Variants in DNAH5 observed in about 807,000 individuals in gnomAD.
DNAH5 encodes the protein axonemal beta dynein heavy chain 5.
Under a neutral mutation model 518.2 loss-of-function variants are expected in DNAH5, and 372 were observed. The observed-to-expected ratio is 0.72, with a 90% CI of 0.66 to 0.78. The LOEUF (loss-of-function observed/expected upper bound fraction) is 0.78. Ranked by LOEUF, DNAH5 falls within the 30% of genes least tolerant of loss-of-function variation. The pLI, the probability that DNAH5 is intolerant of heterozygous loss-of-function variation, is 0.00. For synonymous variants in DNAH5, 2,039 were observed against 2,025.9 expected (o/e 1.01, Z -0.17); for missense variants, 5,523 against 5,687.0 (o/e 0.97, Z 0.93).
chr5:13,892,907 CA>C, intron 16 of DNAH5, among the ~76,000 whole-genome samples: 1 of 152,248 alleles, frequency 6.6e-6, no homozygotes, highest in Non-Finnish European at 1.5e-5. Flanking sequence ...CATTAAAAGC[CA>C]TTTAGCATCT....
chr5:13,701,400 T>C lies in DNAH5; in HGVS notation c.13375A>G (p.Thr4459Ala), dbSNP rs1052619903. The C allele has an allele frequency of 3.1e-6, 5 of 1,613,378 alleles. No individual in the cohort carries two copies. The highest frequency in any genetic ancestry group is 4.2e-6 in the Non-Finnish European group (5 of 1,179,638). ...WISSTLGFWFTELIERNSQFT... is the reference protein window; with the variant it reads ...WISSTLGFWFAELIERNSQFT... ...TGGCTGTTTCTTTCTATAAGTTCAG[T>C]AAACCAGAAACCCAGTGTACTAGAA... The change falls in exon 77 of 79, where the codon ACT becomes GCT. Residue 4459 changes from threonine to alanine, a missense_variant. By Grantham distance (58) the Thr-to-Ala change is moderately conservative. Around this residue, in one of 3 missense-constraint regions of DNAH5, gnomAD observed 387 missense variants for 430.0 expected, o/e 0.90. Transcript: ENST00000265104.
intron 1 of DNAH5, among the ~76,000 whole-genome samples, chr5:13,968,312 C>G (rs1781661347): frequency 6.6e-6 from 1 of 152,088 alleles, no homozygotes; most frequent in Non-Finnish European, 1.5e-5. Flanking sequence ...CTTTCTTTCT[C>G]TTGTCTGACT....
chr5:13,719,967 T>C (rs1204447491), intron 71 of DNAH5, among the ~76,000 whole-genome samples: 4 of 152,200 alleles, frequency 2.6e-5, no homozygotes, highest in African/African-American at 9.7e-5. Flanking sequence ...CATGTAACAA[T>C]AATTTCCTCA....
chr5:13,878,405 T>C (rs778595477), intron 21 of DNAH5, among the ~76,000 whole-genome samples: 1 of 152,202 alleles, frequency 6.6e-6, no homozygotes, highest in Non-Finnish European at 1.5e-5. Context: ...ATTTTCTTTC[T>C]GGGAAGGGGC....
intron 4 of DNAH5, 132 bp downstream of exon 4, chr5:13,923,148 T>A: frequency 1.6e-6 from 2 of 1,236,018 alleles, no homozygotes; most frequent in Non-Finnish European, 2.3e-6. Flanking sequence ...TTTAAATTTT[T>A]AAAAAATACT....
At chr5:14,000,561 C>G (rs1040980131) in intron 1 of DNAH5, among the ~76,000 whole-genome samples, 4 of 151,508 alleles carry the variant, frequency 2.6e-5, no homozygotes, top group Non-Finnish European at 4.4e-5. Flanking sequence ...TGTTCATGTC[C>G]TCTGCCCACA....
intron 1 of DNAH5, among the ~76,000 whole-genome samples, chr5:13,988,812 T>C (rs1783259979): frequency 6.6e-6 from 1 of 150,572 alleles, no homozygotes; most frequent in African/African-American, 2.5e-5. Context: ...CTGCAACCTC[T>C]GCCTCCCGGG....
At chr5:13,859,403 A>G (rs1315006779) in intron 30 of DNAH5, 49 bp downstream of exon 30, 1 of 1,608,236 alleles carries the variant, frequency 6.2e-7, no homozygotes, top group African/African-American at 1.3e-5. Context: ...AATCGCTCTG[A>G]GAGCTTTCTC....
chr5:13,990,887 A>G (rs1401249507), intron 1 of DNAH5, among the ~76,000 whole-genome samples: 1 of 152,236 alleles, frequency 6.6e-6, no homozygotes, highest in Non-Finnish European at 1.5e-5. Context: ...AGGAAAAGAA[A>G]AAGTGTAACC....
intron 11 of DNAH5, among the ~76,000 whole-genome samples, chr5:13,913,519 T>C (rs1171841608): frequency 1.3e-5 from 2 of 152,136 alleles, no homozygotes; most frequent in African/African-American, 4.8e-5. Context: ...AATTTTAGAC[T>C]ATTGGAAAGT....
chr5:14,010,219 G>C (rs1406766531), intron 1 of DNAH5, among the ~76,000 whole-genome samples: 1 of 152,102 alleles, frequency 6.6e-6, no homozygotes, highest in Non-Finnish European at 1.5e-5. Context: ...AAATTTCATA[G>C]ATGAAAAGAG....
chr5:13,917,287 G>C (rs74388007), intron 7 of DNAH5, 31 bp from the exon 8 acceptor site: 1 of 1,526,512 alleles, frequency 6.6e-7, no homozygotes. Context: ...CAATTTTAAT[G>C]TAATTATTAA....
Position 13,769,202 on chromosome 5 carries a change from T to A in DNAH5, c.9721-66A>T, listed in dbSNP as rs1752942472. The A allele has an allele frequency of 1.9e-6, 3 of 1,560,262 alleles. No individual in the cohort carries two copies. In the Admixed American group the frequency reaches 5.0e-5, roughly 26 times the overall value. On this transcript the variant is annotated intron_variant, in intron 57 of 78. Coordinates refer to ENST00000265104, the MANE Select transcript of DNAH5 (RefSeq NM_001369.3). ...TTAAACATCCAGCTGAAAATGCACA[T>A]TTTTGCCTTGATTTGTTGATTTTGT...
At chr5:13,991,965 C>T (rs941253910) in intron 1 of DNAH5, among the ~76,000 whole-genome samples, 22 of 152,042 alleles carry the variant, frequency 1.4e-4, no homozygotes, top group African/African-American at 5.1e-4. Flanking sequence ...CTCCAGTACA[C>T]GAAGCAGAAT....
At chr5:13,713,107 G>GTGTA (rs70962100) in intron 75 of DNAH5, among the ~76,000 whole-genome samples, 4,549 of 139,856 alleles carry the variant, frequency 0.033, 244 homozygotes, top group African/African-American at 0.11. Flanking sequence ...GTGTGTGTGT[G>GTGTA]TATATATATA....
At chr5:13,822,019 T>C (rs1762298028) in intron 40 of DNAH5, among the ~76,000 whole-genome samples, 1 of 152,190 alleles carries the variant, frequency 6.6e-6, no homozygotes, top group East Asian at 1.9e-4. Flanking sequence ...TAGCCTCAAG[T>C]AATCCCCCAA....
At chr5:13,977,899 G>A (rs563929380) in intron 1 of DNAH5, among the ~76,000 whole-genome samples, 149 of 152,148 alleles carry the variant, frequency 9.8e-4, no homozygotes, top group African/African-American at 3.4e-3. Context: ...AAACAGGGGA[G>A]AATCATGAGA....
chr5:13,779,100 G>GT (rs1561236433), intron 53 of DNAH5, among the ~76,000 whole-genome samples: 1 of 152,136 alleles, frequency 6.6e-6, no homozygotes, highest in Non-Finnish European at 1.5e-5. Context: ...AACTCACGAG[G>GT]TTTTTTTGAA....
At chr5:13,827,331 A>C (rs1763010055) in intron 38 of DNAH5, among the ~76,000 whole-genome samples, 1 of 151,680 alleles carries the variant, frequency 6.6e-6, no homozygotes, top group Non-Finnish European at 1.5e-5. Context: ...AAATGTCTCC[A>C]GAGCATGTTA....
Sources: gnomAD v4.1 joint callset for allele counts (sites outside exome capture counted in the v4.1 genomes callset) on GRCh38, gnomAD v4.1.1 for gene constraint, gnomAD v4.1.1 regional missense constraint, MANE v1.5 for transcripts, NCBI Gene and HGNC (gene_info 2026-07-23, HGNC 2026-07-21) for gene names.